The following ITPR2 variants were observed in gnomAD, a reference collection of about 807,000 sequenced individuals.
ITPR2 encodes inositol 1,4,5-trisphosphate receptor type 2, also known as inositol 1,4,5-trisphosphate-gated calcium channel ITPR2.
ITPR2 carries 207 observed loss-of-function variants against 317.1 expected under a neutral mutation model. The ratio of observed to expected loss-of-function variants is 0.65; its 90% CI spans 0.58 to 0.73. The LOEUF is 0.73. Ranked by LOEUF, ITPR2 falls within the 30% of genes least tolerant of loss-of-function variation. The pLI is 0.00. For synonymous variants in ITPR2, 1,156 were observed against 1,149.1 expected, an observed-to-expected ratio of 1.01 and a Z score of -0.12; for missense variants, 2,613 against 3,284.0, an observed-to-expected ratio of 0.80 and a Z score of 4.99.
At chr12:26,792,628 A>G (rs367670518) in intron 1 of ITPR2, among the ~76,000 whole-genome samples, 2 of 152,170 alleles carry the variant, frequency 1.3e-5, no homozygotes, top group South Asian at 2.1e-4. Context: ...TCAGAGATTG[A>G]ATCCATCTTG....
intron 54 of ITPR2, among the ~76,000 whole-genome samples, chr12:26,395,273 A>C (rs1437843046): frequency 2.6e-5 from 4 of 152,106 alleles, no homozygotes; most frequent in Non-Finnish European, 5.9e-5. Flanking sequence ...GGGAGAATAA[A>C]AGGTCAGCGG....
At chr12:26,722,799 G>C (rs891292097) in intron 4 of ITPR2, among the ~76,000 whole-genome samples, 2 of 151,996 alleles carry the variant, frequency 1.3e-5, no homozygotes, top group African/African-American at 2.4e-5. Flanking sequence ...AAAAACAGGG[G>C]ACCCCTCCGA....
intron 37 of ITPR2, among the ~76,000 whole-genome samples, chr12:26,498,930 G>C (rs986326522): frequency 2.0e-5 from 3 of 152,056 alleles, no homozygotes; most frequent in African/African-American, 7.2e-5. Context: ...TCACACTCCT[G>C]GCCTCAAGCA....
At chr12:26,508,097 T>C (rs1943239293) in intron 37 of ITPR2, among the ~76,000 whole-genome samples, 1 of 152,204 alleles carries the variant, frequency 6.6e-6, no homozygotes, top group Non-Finnish European at 1.5e-5. Flanking sequence ...TCATTGATTC[T>C]AACACACCCA....
intron 54 of ITPR2, among the ~76,000 whole-genome samples, chr12:26,388,374 TGAA>T (rs1375465933): frequency 6.6e-6 from 1 of 152,244 alleles, no homozygotes; most frequent in Non-Finnish European, 1.5e-5. Flanking sequence ...GCTCAGATAC[TGAA>T]GAAGAAACCA....
chr12:26,509,998 GT>G (rs1943291393), intron 37 of ITPR2, among the ~76,000 whole-genome samples: 1 of 128,328 alleles, frequency 7.8e-6, no homozygotes, highest in Non-Finnish European at 1.7e-5. Flanking sequence ...GTGTGTGTGT[GT>G]GTGTGGTGGG....
rs79679237 is a variant in ITPR2, at chr12:26,505,907, T to C, written c.5074-10647A>G. ...CATGTCTGATAACTTTGGAAAACATTTGAGATTTATTCAATGTTACTTGCA... is the reference window on the plus strand; with the variant it reads ...CATGTCTGATAACTTTGGAAAACATCTGAGATTTATTCAATGTTACTTGCA... On this transcript the variant is annotated intron_variant, in intron 37 of 56. Transcript: ENST00000381340. Among the ~76,000 whole-genome samples, 838 of 152,092 alleles carry C rather than the reference T, an allele frequency of 5.5e-3. 8 individuals carry two copies. Among genetic ancestry groups the C allele is most frequent in the African/African-American group, 0.019 (796 of 41,514 alleles).
intron 54 of ITPR2, among the ~76,000 whole-genome samples, chr12:26,388,828 G>A (rs1158814134): frequency 6.6e-6 from 1 of 152,038 alleles, no homozygotes; most frequent in East Asian, 1.9e-4. Flanking sequence ...CATCTTATTT[G>A]ACCTATAATC....
intron 48 of ITPR2, among the ~76,000 whole-genome samples, chr12:26,431,883 A>G (rs757597164): frequency 2.6e-5 from 4 of 152,182 alleles, no homozygotes; most frequent in Non-Finnish European, 4.4e-5. Flanking sequence ...CCACATTGGT[A>G]CCAGCATGTA....
In ITPR2 at chr12:26,580,149, T is replaced by C. The variant is rs1442922257; in HGVS notation, c.4387A>G (p.Asn1463Asp). The C allele has an allele frequency of 6.2e-7, 1 of 1,611,164 alleles. No individual in the cohort carries two copies. Among genetic ancestry groups the C allele is most frequent in the South Asian group, 1.1e-5 (1 of 90,512 alleles). Residue 1463 changes from asparagine (N) to aspartate (D), a missense_variant, in exon 33 of 57, where the codon AAC becomes GAC. Around this residue, in one of 9 missense-constraint regions of ITPR2, gnomAD observed 926 missense variants for 1,072.8 expected, o/e 0.86. Coordinates refer to ENST00000381340, the MANE Select transcript of ITPR2 (RefSeq NM_002223.4). The part of the protein sequence containing the change: ...NFLVDMARVC[N>D]TTTDRKHADI... ...GCATGTTTCCTGTCTGTAGTTGTGT[T>C]GCAAACCTGGAGAGAAAATAAAACA...
chr12:26,438,957 G>A (rs1258007844), intron 47 of ITPR2, among the ~76,000 whole-genome samples, 170 bp downstream of exon 47: 11 of 152,148 alleles, frequency 7.2e-5, no homozygotes, highest in East Asian at 1.9e-4. Context: ...CGGGTGTCTC[G>A]GCTCCAGTGG....
At chr12:26,738,771 C>A (rs977882834) in intron 2 of ITPR2, among the ~76,000 whole-genome samples, 1 of 151,930 alleles carries the variant, frequency 6.6e-6, no homozygotes, top group Admixed American at 6.5e-5. Context: ...TTTTTCTTTT[C>A]TTTCTCTTCC....
At position 26,415,343 on chromosome 12, in the gene ITPR2, A is replaced by C. The variant is rs766827997; in HGVS notation, c.7266T>G (p.Thr2422=). 6.2e-7 allele frequency: 1 copy of C among 1,611,640 alleles called. No homozygotes were observed. The highest frequency in any genetic ancestry group is 1.1e-5 in the South Asian group (1 of 90,720). ...IGFLFLKDDF[T]MEVDRLKNRT... ...GGTTTTTCAGCCTATCAACTTCCATAGTGAAGTCATCCTTCAAAAAAAGGA... is the reference window on the plus strand; with the variant it reads ...GGTTTTTCAGCCTATCAACTTCCATCGTGAAGTCATCCTTCAAAAAAAGGA... The change falls in exon 51 of 57, where the codon ACT becomes ACG. Residue 2422 remains threonine (T), a synonymous_variant. Coordinates refer to ENST00000381340, the MANE Select transcript of ITPR2 (RefSeq NM_002223.4).
intron 2 of ITPR2, among the ~76,000 whole-genome samples, chr12:26,771,902 C>A (rs1041303817): frequency 2.6e-5 from 4 of 151,806 alleles, no homozygotes; most frequent in African/African-American, 9.7e-5. Flanking sequence ...ATAATATATA[C>A]CTCATATTGC....
chr12:26,766,496 T>A (rs1949721861), intron 2 of ITPR2, among the ~76,000 whole-genome samples: 2 of 152,184 alleles, frequency 1.3e-5, no homozygotes. Flanking sequence ...TTATAAGAGT[T>A]CCTTATATAT....
At chr12:26,789,047 G>C (rs796442351) in intron 2 of ITPR2, among the ~76,000 whole-genome samples, 28 of 152,262 alleles carry the variant, frequency 1.8e-4, no homozygotes, top group African/African-American at 6.7e-4. Context: ...ACTGCAAGAA[G>C]ACCTCACTTG....
At chr12:26,633,444 T>C (rs557382298) in intron 21 of ITPR2, among the ~76,000 whole-genome samples, 2 of 152,372 alleles carry the variant, frequency 1.3e-5, no homozygotes, top group South Asian at 2.1e-4. Context: ...TAAAGTGGCA[T>C]AGTCCAGGCA....
chr12:26,784,521 T>G (rs1950173894), intron 2 of ITPR2, among the ~76,000 whole-genome samples: 1 of 151,172 alleles, frequency 6.6e-6, no homozygotes, highest in Non-Finnish European at 1.5e-5. Flanking sequence ...TCGGTTTTTT[T>G]TTGGTGGAGA....
At chr12:26,495,127 T>C (rs1942903209) in intron 38 of ITPR2, 25 bp downstream of exon 38, 3 of 1,213,022 alleles carry the variant, frequency 2.5e-6, no homozygotes, top group Non-Finnish European at 1.2e-6. Context: ...AATCCTAAAA[T>C]GAGAAAACAA....
Sources: allele counts gnomAD v4.1 joint callset (sites outside exome capture counted in the v4.1 genomes callset), GRCh38; gene constraint gnomAD v4.1.1; regional missense constraint gnomAD v4.1.1; transcripts MANE v1.5; gene names NCBI Gene and HGNC (gene_info 2026-07-23, HGNC 2026-07-21).